The following ATP6V1B1 variants were observed in gnomAD, a reference collection of about 807,000 sequenced individuals.
The protein encoded by ATP6V1B1 is V-type proton ATPase subunit B, kidney isoform.
In ATP6V1B1, 41 loss-of-function variants were observed where a neutral mutation model predicts 62.1. That is an observed-to-expected ratio of 0.66 (90% CI 0.51 to 0.86). ATP6V1B1 has a LOEUF of 0.86. Ranked by LOEUF, ATP6V1B1 falls within the 40% of genes least tolerant of loss-of-function variation. The pLI is 0.00. For missense variants in ATP6V1B1, 651 were observed against 697.5 expected (o/e 0.93, Z 0.75); for synonymous variants, 253 against 273.4 (o/e 0.93, Z 0.74).
At chr2:70,957,168 CCTCTG>C (rs1260466939) in intron 2 of ATP6V1B1, among the ~76,000 whole-genome samples, 2 of 148,296 alleles carry the variant, frequency 1.3e-5, no homozygotes, top group Non-Finnish European at 3.0e-5. Context: ...CTCACTGCAA[CCTCTG>C]CCTCCTGGGT....
intron 8 of ATP6V1B1, 105 bp downstream of exon 8, chr2:70,961,798 C>A (rs1021038594): frequency 1.2e-5 from 13 of 1,125,012 alleles, no homozygotes; most frequent in Non-Finnish European, 1.6e-5. Flanking sequence ...TACAGCCATA[C>A]GCCAGAGCTG....
chr2:70,955,758 A>G (rs1680418828), intron 2 of ATP6V1B1: 1 of 152,258 alleles, frequency 6.6e-6, no homozygotes, highest in Non-Finnish European at 1.5e-5. Flanking sequence ...CTGCTAGGCA[A>G]AAAAACAAAT....
intron 2 of ATP6V1B1, among the ~76,000 whole-genome samples, chr2:70,955,340 T>G (rs1680408722): frequency 6.6e-6 from 1 of 152,208 alleles, no homozygotes; most frequent in Admixed American, 6.5e-5. Flanking sequence ...CCTGATGTGT[T>G]ATAAAAATTG....
At chr2:70,961,524 C>T in intron 7 of ATP6V1B1, 72 bp from the exon 8 acceptor site, 1 of 1,490,690 alleles carries the variant, frequency 6.7e-7, no homozygotes, top group Non-Finnish European at 9.4e-7. Flanking sequence ...TTCCTGAGGA[C>T]ACCTGGGAGG....
chr2:70,943,755 C>G (rs1467311163), intron 2 of ATP6V1B1, 42 bp downstream of exon 2: 1 of 1,609,496 alleles, frequency 6.2e-7, no homozygotes, highest in Non-Finnish European at 8.5e-7. Flanking sequence ...AGGCCAAATC[C>G]CAGGGCGCCT....
intron 2 of ATP6V1B1, among the ~76,000 whole-genome samples, chr2:70,944,914 G>A (rs182883465): frequency 5.3e-5 from 8 of 152,146 alleles, no homozygotes; most frequent in Non-Finnish European, 8.8e-5. Context: ...TGATCCGCCC[G>A]CCTCGGCCTC....
In ATP6V1B1 at chr2:70,940,920, T is replaced by C. The variant is rs1401114910; in HGVS notation, c.119-2738T>C. On this transcript the variant is annotated intron_variant, in intron 1 of 13. Coordinates refer to ENST00000234396, the MANE Select transcript of ATP6V1B1 (RefSeq NM_001692.4). ...TTTTTTCTTTTTCTTTTTCTTTTTT[T>C]TTTTTTTTTTTGAGACAGGATCTTA... is the stretch of plus-strand genomic sequence containing the variant. 3 of 948,354 alleles carry C rather than the reference T, an allele frequency of 3.2e-6. No homozygotes were observed. The South Asian group carries it at 1.5e-4, about 47-fold the overall frequency. 58.7% of individuals were successfully genotyped at this position (948,354 alleles called of 1,614,324 possible).
At position 70,963,997 on chromosome 2, in the gene ATP6V1B1, C is replaced by A; in HGVS notation, c.1143+343C>A. 1 of 456,864 alleles carries A rather than the reference C, an allele frequency of 2.2e-6. No individual in the cohort carries two copies. The highest frequency in any genetic ancestry group is 4.0e-6 in the Non-Finnish European group (1 of 247,828). The allele number at this position is 456,864 out of a possible 1,614,324, so 28.3% of individuals were successfully genotyped here. Reference sequence around the variant, plus strand: ...CTGGCAGATAGTCAATACTATTTGCCTTCCCTTTCCAGTTATTTGCTTCGG... The same window carrying A: ...CTGGCAGATAGTCAATACTATTTGCATTCCCTTTCCAGTTATTTGCTTCGG... On this transcript the variant is annotated intron_variant, in intron 11 of 13. Transcript: ENST00000234396. The surrounding 1 kb of genome is among the most constrained non-coding windows in gnomAD (Gnocchi z 4.3).
chr2:70,958,024 G>GA, intron 2 of ATP6V1B1, 22 bp from the exon 3 acceptor site: 1 of 1,607,890 alleles, frequency 6.2e-7, no homozygotes, highest in Admixed American at 1.7e-5. Flanking sequence ...ACTGTCACGT[G>GA]GCTGCTCTCC....
At chr2:70,953,597 C>T (rs1340974254) in intron 2 of ATP6V1B1, among the ~76,000 whole-genome samples, 2 of 152,074 alleles carry the variant, frequency 1.3e-5, no homozygotes, top group African/African-American at 4.8e-5. Flanking sequence ...CTTTTTTATA[C>T]ATTGCTAGAT....
intron 2 of ATP6V1B1, chr2:70,957,784 G>A (rs970440879): frequency 2.4e-5 from 12 of 496,542 alleles, no homozygotes; most frequent in Non-Finnish European, 4.1e-5. Context: ...TACTGAAATC[G>A]TAAAGTAACT....
chr2:70,961,256 G>A (rs1553420051), intron 7 of ATP6V1B1, among the ~76,000 whole-genome samples: 1 of 152,186 alleles, frequency 6.6e-6, no homozygotes, highest in Admixed American at 6.5e-5. Flanking sequence ...AGGGGATTGG[G>A]GGAAAAAAGA....
intron 8 of ATP6V1B1, among the ~76,000 whole-genome samples, chr2:70,962,495 G>T (rs1680613105): frequency 6.6e-6 from 1 of 152,146 alleles, no homozygotes; most frequent in Non-Finnish European, 1.5e-5. Context: ...TCTTCATCAG[G>T]CACTCCTGGC....
intron 2 of ATP6V1B1, 67 bp downstream of exon 2, chr2:70,943,780 A>G: frequency 3.8e-6 from 6 of 1,589,174 alleles, no homozygotes; most frequent in Non-Finnish European, 1.7e-6. Flanking sequence ...CCTGCCCTGC[A>G]GGATTTCTTC....
Position 70,959,269 on chromosome 2 carries a change from A to G in ATP6V1B1, c.445+174A>G, listed in dbSNP as rs782229919. Among the ~76,000 whole-genome samples the G allele has an allele frequency of 1.3e-4, 20 of 152,160 alleles. No homozygotes were observed. The highest frequency in any genetic ancestry group is 2.2e-4 in the Non-Finnish European group (15 of 68,034). On this transcript the variant is annotated intron_variant, in intron 5 of 13. Transcript: ENST00000234396. The surrounding 1 kb of genome is among the most constrained non-coding windows in gnomAD (Gnocchi z 4.2). ...ACACTGCCGTCAGCACTCCATGTCC[A>G]TCCCCTGTAAAATGCCATCATCATT...
rs1679923358 is a variant in ATP6V1B1, at chr2:70,939,060, G to C, written c.118+2988G>C. 2.6e-5 allele frequency among the ~76,000 whole-genome samples: 4 copies of C among 152,268 alleles called. No homozygotes were observed. In the South Asian group the frequency reaches 8.3e-4, roughly 31 times the overall value. ...ATCCCTCCAGCGGGATCAGGGAGGA[G>C]GTGCGGGACCTGCTGCCCCGGGCTT... On this transcript the variant is annotated intron_variant, in intron 1 of 13. Coordinates refer to ENST00000234396, the MANE Select transcript of ATP6V1B1 (RefSeq NM_001692.4).
chr2:70,938,765 CTGTT>C, intron 1 of ATP6V1B1: 9 of 985,398 alleles, frequency 9.1e-6, no homozygotes, highest in Non-Finnish European at 1.1e-5. Context: ...GGAGCTTCAT[CTGTT>C]TGGGCAGAAG....
rs1553420140 is a variant in ATP6V1B1, at chr2:70,961,673, G to C, written c.765G>C (p.Leu255=). 6 of 1,614,232 alleles carry C rather than the reference G, an allele frequency of 3.7e-6. No individual in the cohort carries two copies. Among genetic ancestry groups the C allele is most frequent in the Non-Finnish European group, 5.1e-6 (6 of 1,180,042 alleles). Reference sequence around the variant, plus strand: ...CCATGGGGAACGTCTGCCTCTTCCTGAACTTGGCCAATGACCCCACGTGAG... The same window carrying C: ...CCATGGGGAACGTCTGCCTCTTCCTCAACTTGGCCAATGACCCCACGTGAG... ...NGTMGNVCLF[L]NLANDPTIER... is the part of the protein sequence containing the mutation. Residue 255 remains leucine, a synonymous_variant, in exon 8 of 14, where the codon CTG becomes CTC. Coordinates refer to ENST00000234396, the MANE Select transcript of ATP6V1B1 (RefSeq NM_001692.4).
intron 8 of ATP6V1B1, among the ~76,000 whole-genome samples, chr2:70,962,430 T>A (rs1489815230): frequency 6.6e-6 from 1 of 152,040 alleles, no homozygotes; most frequent in Non-Finnish European, 1.5e-5. Context: ...TCATCTACAG[T>A]GTGATATGCC....
Sources: allele counts gnomAD v4.1 joint callset (sites outside exome capture counted in the v4.1 genomes callset), GRCh38; gene constraint gnomAD v4.1.1; non-coding constraint Gnocchi (gnomAD v3.1); transcripts MANE v1.5; gene names NCBI Gene and HGNC (gene_info 2026-07-23, HGNC 2026-07-21).